Variants in ZNF141 observed in about 807,000 individuals in gnomAD.
ZNF141 encodes the protein zinc finger protein 141 (clone pHZ-44).
Under a neutral mutation model 11.3 loss-of-function variants are expected in ZNF141, and 7 were observed. That is an observed-to-expected ratio of 0.62 (90% CI 0.35 to 1.16). The LOEUF is 1.16. Among genes scored for constraint, ZNF141 ranks in the 50% most tolerant of loss-of-function variants. The pLI is 0.02. For synonymous variants in ZNF141, 183 were observed against 190.7 expected, an observed-to-expected ratio of 0.96 and a Z score of 0.33; for missense variants, 535 against 554.0, an observed-to-expected ratio of 0.97 and a Z score of 0.34.
chr4:384,220 C>T lies in ZNF141; in HGVS notation c.*10358C>T, dbSNP rs1387390235. 6.6e-6 allele frequency: 1 copy of T among 152,198 alleles called. No individual in the cohort carries two copies. Among genetic ancestry groups the T allele is most frequent in the Admixed American group, 6.5e-5 (1 of 15,272 alleles). The allele number at this position is 152,198 out of a possible 1,614,324, so 9.4% of individuals were successfully genotyped here. The stretch of plus-strand genomic sequence containing the variant: ...AAGAAGTTTGCCTTTAATCTATTCC[C>T]TCCACATCTAAACTCTGGAGGGCAA... On this transcript the variant is annotated 3_prime_UTR_variant, in exon 4 of 4. Transcript: ENST00000240499.
intron 3 of ZNF141, chr4:350,209 T>C (rs148718934): frequency 3.3e-4 from 174 of 534,766 alleles, no homozygotes; most frequent in African/African-American, 2.2e-3. Flanking sequence ...GCCATGTCTA[T>C]GGGCTCTTGA....
rs1338532976 is a variant in ZNF141, at chr4:377,215, TTGTC to T, written c.*3354_*3357del. 1.3e-4 allele frequency among the ~76,000 whole-genome samples: 20 copies of T among 152,284 alleles called. No individual in the cohort carries two copies. The highest frequency in any genetic ancestry group is 3.8e-4 in the African/African-American group (16 of 41,560). Reference sequence around the variant, plus strand: ...TGTTCAGGTAAGTACTTGGAAAACTTTGTCAGTCATGGGGATGTTTTGATCTATT... The same window carrying T: ...TGTTCAGGTAAGTACTTGGAAAACTTAGTCATGGGGATGTTTTGATCTATT... On this transcript the variant is annotated 3_prime_UTR_variant, in exon 4 of 4. Coordinates refer to ENST00000240499, the MANE Select transcript of ZNF141 (RefSeq NM_003441.4).
chr4:337,828 C>T lies in ZNF141; in HGVS notation c.-156C>T. On this transcript the variant is annotated 5_prime_UTR_variant, in exon 1 of 4. Coordinates refer to ENST00000240499, the MANE Select transcript of ZNF141 (RefSeq NM_003441.4). The stretch of plus-strand genomic sequence containing the variant: ...ATGTGGCGCGGGTCTTTGCGTCTGG[C>T]TACTACCAGACCGCGGGTTAGGGGC... 1 of 939,882 alleles carries T rather than the reference C, an allele frequency of 1.1e-6. No individual in the cohort carries two copies. The highest frequency in any genetic ancestry group is 1.7e-6 in the Non-Finnish European group (1 of 601,586). The allele number at this position is 939,882 out of a possible 1,614,324, so 58.2% of individuals were successfully genotyped here.
intron 3 of ZNF141, among the ~76,000 whole-genome samples, chr4:365,067 G>C (rs558867910): frequency 2.6e-5 from 4 of 152,328 alleles, no homozygotes; most frequent in African/African-American, 9.6e-5. Flanking sequence ...CCAGGCTGCT[G>C]CCTGGCAGGT....
At chr4:365,693 G>A (rs1215627685) in intron 3 of ZNF141, among the ~76,000 whole-genome samples, 1 of 152,114 alleles carries the variant, frequency 6.6e-6, no homozygotes. Context: ...TGCTTTTGAG[G>A]TCTTACTTAA....
At chr4:347,755 C>G (rs552545158) in intron 3 of ZNF141, among the ~76,000 whole-genome samples, 1 of 147,336 alleles carries the variant, frequency 6.8e-6, no homozygotes, top group African/African-American at 2.5e-5. Context: ...AAAAAAAAAT[C>G]TAACCTTTTG....
At chr4:339,184 G>A (rs934187857) in intron 1 of ZNF141, among the ~76,000 whole-genome samples, 2 of 152,158 alleles carry the variant, frequency 1.3e-5, no homozygotes, top group Non-Finnish European at 2.9e-5. Flanking sequence ...TTTCTCCCAA[G>A]AACACACACA....
At chr4:369,164 C>T (rs1553853216) in intron 3 of ZNF141, among the ~76,000 whole-genome samples, 1 of 152,022 alleles carries the variant, frequency 6.6e-6, no homozygotes, top group Non-Finnish European at 1.5e-5. Flanking sequence ...AAGATACACA[C>T]ACACACACAC....
rs148856420 is a variant in ZNF141 at position 372,924 on chromosome 4, C to G, written c.487C>G (p.Arg163Gly). Residue 163 changes from arginine to glycine, a missense_variant, in exon 4 of 4, where the codon CGT (arginine) becomes GGT (glycine). Physicochemically the swap from Arg to Gly is moderately radical, Grantham distance 125. Coordinates refer to ENST00000240499, the MANE Select transcript of ZNF141 (RefSeq NM_003441.4). The part of the protein sequence containing the change: ...VVSKFSNSNK[R>G]KTRHTGEKHF... The stretch of plus-strand genomic sequence containing the variant: ...TAGTAAATTTTCAAATTCAAACAAA[C>G]GTAAGACAAGACATACTGGAGAGAA... 1.2e-6 allele frequency: 2 copies of G among 1,613,932 alleles called. No individual in the cohort carries two copies. The highest frequency in any genetic ancestry group is 1.7e-6 in the Non-Finnish European group (2 of 1,179,916).
Position 376,356 on chromosome 4 carries a change from G to A in ZNF141, c.*2494G>A, listed in dbSNP as rs540223307. The stretch of plus-strand genomic sequence containing the variant: ...GTACATAGTATGCATATTTATCTAT[G>A]GCATATATGGGTTATTTTCTTATAC... On this transcript the variant is annotated 3_prime_UTR_variant, in exon 4 of 4. Coordinates refer to ENST00000240499, the MANE Select transcript of ZNF141 (RefSeq NM_003441.4). 1.4e-4 allele frequency among the ~76,000 whole-genome samples: 22 copies of A among 151,846 alleles called. No individual in the cohort carries two copies. The highest frequency in any genetic ancestry group is 2.8e-4 in the Non-Finnish European group (19 of 67,834).
chr4:355,873 GA>G (rs1721816815), intron 3 of ZNF141, among the ~76,000 whole-genome samples: 1 of 152,130 alleles, frequency 6.6e-6, no homozygotes, highest in Admixed American at 6.6e-5. Flanking sequence ...GAGGATGATG[GA>G]AGGTGTACAC....
At position 342,878 on chromosome 4, in the gene ZNF141, T is replaced by C. The variant is rs1256993467; in HGVS notation, c.4-904T>C. On this transcript the variant is annotated intron_variant, in intron 1 of 3. Transcript: ENST00000240499. Reference sequence around the variant, plus strand: ...ACTGTAGGCTGAGTGACCTGAAGGTTGAACAGACTGCCGAAGTCCAAAAGC... The same window carrying C: ...ACTGTAGGCTGAGTGACCTGAAGGTCGAACAGACTGCCGAAGTCCAAAAGC... The C allele has an allele frequency of 1.9e-6, 3 of 1,607,520 alleles. No homozygotes were observed. The African/African-American group carries it at 4.0e-5, about 21-fold the overall frequency.
rs535148195 is a variant in ZNF141, at chr4:367,744, T to C, written c.227-4920T>C. On this transcript the variant is annotated intron_variant, in intron 3 of 3. Coordinates refer to ENST00000240499, the MANE Select transcript of ZNF141 (RefSeq NM_003441.4). ...ATTGGCCAGGCTAGTCTTGATCTCC[T>C]GACCTCATGATCTGTCCGCCACGGC... is the stretch of plus-strand genomic sequence containing the variant. Among the ~76,000 whole-genome samples, 5 of 152,220 alleles carry C rather than the reference T, an allele frequency of 3.3e-5. No homozygotes were observed. The South Asian group carries it at 1.0e-3, about 32-fold the overall frequency.
In ZNF141 at chr4:377,760, G is replaced by A. The variant is rs371696948; in HGVS notation, c.*3898G>A. 1.3e-5 allele frequency among the ~76,000 whole-genome samples: 2 copies of A among 152,286 alleles called. No individual in the cohort carries two copies. The highest frequency in any genetic ancestry group is 3.9e-4 in the East Asian group (2 of 5,188). On this transcript the variant is annotated 3_prime_UTR_variant, in exon 4 of 4. Transcript: ENST00000240499. ...GATTCTATCATAAAGTGTGTAAAAT[G>A]TAACAAAAGTTAGAATAAGTAAAAC...
chr4:380,711 C>A lies in ZNF141; in HGVS notation c.*6849C>A, dbSNP rs1366848692. ...AAATTAATAGCATAGGTATTATTAT[C>A]CTCATTTTACAGAGAAAGAAACAGC... On this transcript the variant is annotated 3_prime_UTR_variant, in exon 4 of 4. Coordinates refer to ENST00000240499, the MANE Select transcript of ZNF141 (RefSeq NM_003441.4). 6.6e-6 allele frequency among the ~76,000 whole-genome samples: 1 copy of A among 151,954 alleles called. No individual in the cohort carries two copies. Among genetic ancestry groups the A allele is most frequent in the Admixed American group, 6.6e-5 (1 of 15,236 alleles).
intron 3 of ZNF141, among the ~76,000 whole-genome samples, chr4:357,694 T>C (rs976269917): frequency 1.3e-5 from 2 of 149,794 alleles, no homozygotes; most frequent in Non-Finnish European, 3.0e-5. Context: ...TCACTCTTTC[T>C]TTTTTCTTTT....
At chr4:368,711 G>A (rs1711873479) in intron 3 of ZNF141, among the ~76,000 whole-genome samples, 1 of 152,012 alleles carries the variant, frequency 6.6e-6, no homozygotes, top group South Asian at 2.1e-4. Context: ...TCATATTTTT[G>A]CCGGATTTTA....
intron 3 of ZNF141, among the ~76,000 whole-genome samples, chr4:365,214 C>T (rs759161364): frequency 7.2e-5 from 11 of 152,286 alleles, no homozygotes; most frequent in South Asian, 2.1e-4. Flanking sequence ...CAGGAGATCC[C>T]GATTTTCCAG....
chr4:358,920 C>G (rs972697105), intron 3 of ZNF141, among the ~76,000 whole-genome samples: 5 of 152,140 alleles, frequency 3.3e-5, no homozygotes, highest in Non-Finnish European at 5.9e-5. Flanking sequence ...CTCTGTTAGA[C>G]ATTTTCTAGA....
Sources: allele counts gnomAD v4.1 joint callset (sites outside exome capture counted in the v4.1 genomes callset), GRCh38; gene constraint gnomAD v4.1.1; transcripts MANE v1.5; gene names NCBI Gene and HGNC (gene_info 2026-07-23, HGNC 2026-07-21).